The following EPHA6 variants were observed in gnomAD, a reference collection of about 807,000 sequenced individuals.
EPHA6 encodes the protein ephrin type-A receptor 6.
EPHA6 carries 50 observed loss-of-function variants against 112.0 expected under a neutral mutation model. The ratio of observed to expected loss-of-function variants is 0.45; its 90% CI spans 0.36 to 0.56. The LOEUF is 0.56. Among genes scored for constraint, EPHA6 ranks in the 20% least tolerant of loss-of-function variants. The pLI, the probability that EPHA6 is intolerant of heterozygous loss-of-function variation, is 0.00. For synonymous variants in EPHA6, 529 were observed against 490.7 expected (o/e 1.08, Z -1.03); for missense variants, 1,280 against 1,417.4 (o/e 0.90, Z 1.56).
chr3:97,682,814 ATG>A (rs2031966339), intron 14 of EPHA6, among the ~76,000 whole-genome samples: 1 of 152,172 alleles, frequency 6.6e-6, no homozygotes, highest in Admixed American at 6.6e-5. Context: ...TGTATACTCT[ATG>A]GACAACTTGT....
chr3:97,005,021 T>C (rs1338983293), intron 3 of EPHA6, among the ~76,000 whole-genome samples: 3 of 152,206 alleles, frequency 2.0e-5, no homozygotes, highest in Non-Finnish European at 4.4e-5. Flanking sequence ...TGTAGTCTTG[T>C]AGTACAGTTT....
In EPHA6 at chr3:96,977,839, G is replaced by A. The variant is rs560960299; in HGVS notation, c.451-9491G>A. Among the ~76,000 whole-genome samples, 9 of 152,250 alleles carry A rather than the reference G, an allele frequency of 5.9e-5. No individual in the cohort carries two copies. The South Asian group carries it at 1.9e-3, about 32-fold the overall frequency. On this transcript the variant is annotated intron_variant, in intron 2 of 17. Transcript: ENST00000389672. The stretch of plus-strand genomic sequence containing the variant: ...ATATTACACATACTGTATTCTTACA[G>A]TAAAGTAAGCTAGAGAAAAGAAAAT...
intron 5 of EPHA6, among the ~76,000 whole-genome samples, chr3:97,325,503 T>A (rs557633035): frequency 1.3e-5 from 2 of 152,252 alleles, no homozygotes; most frequent in South Asian, 4.1e-4. Flanking sequence ...TTTAAAGGCC[T>A]TATCTAGAAA....
At chr3:97,466,870 G>A (rs945746003) in intron 7 of EPHA6, among the ~76,000 whole-genome samples, 5 of 151,866 alleles carry the variant, frequency 3.3e-5, no homozygotes, top group African/African-American at 9.7e-5. Flanking sequence ...TTATACCTTC[G>A]TAGTATTTGT....
intron 11 of EPHA6, among the ~76,000 whole-genome samples, chr3:97,566,127 C>G (rs1165343431): frequency 4.0e-5 from 6 of 151,896 alleles, no homozygotes; most frequent in Admixed American, 3.9e-4. Context: ...AGGAAACTTA[C>G]AATCGTGGTG....
chr3:97,274,857 G>A (rs920466220), intron 5 of EPHA6, among the ~76,000 whole-genome samples: 1 of 152,168 alleles, frequency 6.6e-6, no homozygotes, highest in African/African-American at 2.4e-5. Flanking sequence ...TGGGAGGCCG[G>A]ATTGAAGTCC....
At chr3:97,391,172 A>C (rs981365801) in intron 5 of EPHA6, among the ~76,000 whole-genome samples, 1 of 151,916 alleles carries the variant, frequency 6.6e-6, no homozygotes, top group Admixed American at 6.6e-5. Flanking sequence ...AATGGTGGTC[A>C]TATGCATGGA....
At chr3:97,034,474 A>T (rs1196292157) in intron 3 of EPHA6, among the ~76,000 whole-genome samples, 1 of 151,908 alleles carries the variant, frequency 6.6e-6, no homozygotes, top group Non-Finnish European at 1.5e-5. Context: ...CACCATTGTG[A>T]GCAGTTTGTT....
chr3:97,546,444 T>G (rs969826465), intron 11 of EPHA6, among the ~76,000 whole-genome samples: 4 of 152,258 alleles, frequency 2.6e-5, no homozygotes, highest in African/African-American at 9.6e-5. Flanking sequence ...GCTGTTAGTC[T>G]GATGGGCTTC....
intron 7 of EPHA6, among the ~76,000 whole-genome samples, chr3:97,459,770 G>T (rs187288262): frequency 6.6e-6 from 1 of 152,178 alleles, no homozygotes; most frequent in African/African-American, 2.4e-5. Context: ...CCCTAGAGAC[G>T]ATTTTAGCCT....
intron 14 of EPHA6, among the ~76,000 whole-genome samples, chr3:97,653,656 T>C (rs1560234684): frequency 6.6e-6 from 1 of 151,974 alleles, no homozygotes; most frequent in Non-Finnish European, 1.5e-5. Flanking sequence ...CTTCTAGGTA[T>C]ATAATCAAAG....
At chr3:97,096,657 C>G (rs1421345994) in intron 3 of EPHA6, among the ~76,000 whole-genome samples, 3 of 151,782 alleles carry the variant, frequency 2.0e-5, no homozygotes, top group Non-Finnish European at 4.4e-5. Flanking sequence ...GTCTTTTACT[C>G]AAAGCTAAAA....
intron 14 of EPHA6, among the ~76,000 whole-genome samples, chr3:97,707,606 A>G (rs2033747127): frequency 6.6e-6 from 1 of 152,216 alleles, no homozygotes; most frequent in African/African-American, 2.4e-5. Context: ...CCTGAGGATG[A>G]GTAGACTGTC....
rs190767133 is a variant in EPHA6, at chr3:97,253,238, G to A, written c.1606+8951G>A. Among the ~76,000 whole-genome samples, 403 of 152,242 alleles carry A rather than the reference G, an allele frequency of 2.6e-3. 1 individual carries two copies. Among genetic ancestry groups the A allele is most frequent in the Non-Finnish European group, 4.7e-3 (319 of 68,018 alleles). On this transcript the variant is annotated intron_variant, in intron 5 of 17. Coordinates refer to ENST00000389672, the MANE Select transcript of EPHA6 (RefSeq NM_001080448.3). ...ATGATTAAACAGTGATATGACAGGC[G>A]GTGAATGTTGACATTTTCCTGATTT...
intron 5 of EPHA6, among the ~76,000 whole-genome samples, chr3:97,331,978 C>A (rs2082822055): frequency 6.6e-6 from 1 of 152,120 alleles, no homozygotes; most frequent in African/African-American, 2.4e-5. Context: ...AGACCAATAT[C>A]CCTGATGAAC....
Position 97,067,643 on chromosome 3 carries a change from G to A in EPHA6, c.1114+79650G>A, listed in dbSNP as rs536878939. Among the ~76,000 whole-genome samples the A allele has an allele frequency of 8.5e-5, 13 of 152,174 alleles. No individual in the cohort carries two copies. The East Asian group carries it at 1.5e-3, about 18-fold the overall frequency. ...GCCAAGTGGCATAAGCAAACTCAGAGAAGATGGCATGTAGTAACATTAAAG... is the reference window on the plus strand; with the variant it reads ...GCCAAGTGGCATAAGCAAACTCAGAAAAGATGGCATGTAGTAACATTAAAG... On this transcript the variant is annotated intron_variant, in intron 3 of 17. Transcript: ENST00000389672.
At chr3:97,300,215 G>A (rs2081036409) in intron 5 of EPHA6, among the ~76,000 whole-genome samples, 1 of 152,058 alleles carries the variant, frequency 6.6e-6, no homozygotes, top group South Asian at 2.1e-4. Flanking sequence ...GTCATGCCAA[G>A]AATTGCTCAG....
At chr3:97,067,299 TATATC>T (rs1370406297) in intron 3 of EPHA6, among the ~76,000 whole-genome samples, 1 of 152,166 alleles carries the variant, frequency 6.6e-6, no homozygotes, top group Non-Finnish European at 1.5e-5. Flanking sequence ...AATACTGTGT[TATATC>T]AGTAGTACAC....
intron 10 of EPHA6, among the ~76,000 whole-genome samples, chr3:97,485,781 T>C (rs987867769): frequency 4.6e-5 from 7 of 152,178 alleles, no homozygotes; most frequent in African/African-American, 1.7e-4. Context: ...AGAGAGGAGG[T>C]TGGATAATCT....
Sources: allele counts gnomAD v4.1 joint callset (sites outside exome capture counted in the v4.1 genomes callset), GRCh38; gene constraint gnomAD v4.1.1; transcripts MANE v1.5; gene names NCBI Gene and HGNC (gene_info 2026-07-23, HGNC 2026-07-21).